IQCE: variants seen among roughly 807,000 people sequenced by gnomAD.
The protein encoded by IQCE is IQ domain-containing protein E.
In IQCE, 115 loss-of-function variants were observed where a neutral mutation model predicts 96.0. The observed-to-expected ratio is 1.20, with a 90% CI of 1.03 to 1.40. The LOEUF (loss-of-function observed/expected upper bound fraction) is 1.40, where lower values mean the gene tolerates loss of function less well. Among genes scored for constraint, IQCE ranks in the 40% most tolerant of loss-of-function variants. The pLI is 0.00. For missense variants in IQCE, 1,041 were observed against 909.1 expected (o/e 1.15, Z -1.87); for synonymous variants, 412 against 371.2 (o/e 1.11, Z -1.26).
Position 2,582,651 on chromosome 7 carries a change from G to A in IQCE, c.701+1G>A, listed in dbSNP as rs1000274801. ...GCAAGGAGAAGGACGGCACCATCAG[G>A]TGGGCGCAGGGCTGCACCCTCTCCC... On this transcript the variant is annotated splice_donor_variant, in intron 9 of 21. Transcript: ENST00000402050. LOFTEE classifies it high-confidence loss of function. 3.1e-6 allele frequency: 5 copies of A among 1,613,454 alleles called. No homozygotes were observed. The South Asian group carries it at 4.4e-5, about 14-fold the overall frequency.
At position 2,600,201 on chromosome 7, in the gene IQCE, C is replaced by A. The variant is rs570897031; in HGVS notation, c.1609-1240C>A. Among the ~76,000 whole-genome samples the A allele has an allele frequency of 2.6e-5, 4 of 152,204 alleles. 1 individual carries two copies. The South Asian group carries it at 8.3e-4, about 32-fold the overall frequency. ...TTCCTTGTGGGGTCATAAACTTATT[C>A]CTCTGTCCCCTTAATTTCCCATAAA... is the stretch of plus-strand genomic sequence containing the variant. On this transcript the variant is annotated intron_variant, in intron 17 of 21. Transcript: ENST00000402050.
At position 2,605,599 on chromosome 7, in the gene IQCE, A is replaced by G. The variant is rs1784750310; in HGVS notation, c.1744-277A>G. ...CACGCCACTGCACTCCAGCCTGGGC[A>G]ACAGAGCGAGACTCCATCTCAAAAA... On this transcript the variant is annotated intron_variant, in intron 19 of 21. Coordinates refer to ENST00000402050, the MANE Select transcript of IQCE (RefSeq NM_152558.5). Among the ~76,000 whole-genome samples, 3 of 152,142 alleles carry G rather than the reference A, an allele frequency of 2.0e-5. No individual in the cohort carries two copies. In the South Asian group the frequency reaches 6.2e-4, roughly 32 times the overall value.
rs554810776 is a variant in IQCE at position 2,568,709 on chromosome 7, G to A, written c.85-245G>A. 6.6e-5 allele frequency among the ~76,000 whole-genome samples: 10 copies of A among 152,282 alleles called. No homozygotes were observed. In the East Asian group the frequency reaches 7.7e-4, roughly 12 times the overall value. ...GTCTGAACGTCAGGAGCCCGGGCCC[G>A]ATGGTTTTCTGTAATTGGAACTTGT... On this transcript the variant is annotated intron_variant, in intron 2 of 21. Coordinates refer to ENST00000402050, the MANE Select transcript of IQCE (RefSeq NM_152558.5).
chr7:2,589,874 C>A, intron 13 of IQCE, 33 bp from the exon 14 acceptor site: 1 of 1,592,272 alleles, frequency 6.3e-7, no homozygotes, highest in Non-Finnish European at 8.6e-7. Flanking sequence ...GAAATGAGAA[C>A]TAGTATCTAA....
chr7:2,564,686 T>C (rs78117036), intron 1 of IQCE, among the ~76,000 whole-genome samples: 1,606 of 152,354 alleles, frequency 0.011, 30 homozygotes, highest in African/African-American at 0.037. Context: ...TTTGAATGAT[T>C]TTCTCTTTTA....
intron 1 of IQCE, chr7:2,559,611 G>A (rs1406567989): frequency 6.3e-6 from 1 of 158,074 alleles, no homozygotes; most frequent in African/African-American, 2.4e-5. Context: ...GCAGCCCCAG[G>A]GTCTGGGAAC....
At chr7:2,562,301 T>TATATATATAA (rs1554301266) in intron 1 of IQCE, among the ~76,000 whole-genome samples, 3 of 151,602 alleles carry the variant, frequency 2.0e-5, no homozygotes, top group Admixed American at 6.6e-5. Context: ...TATATATATA[T>TATATATATAA]AAAATCCTTT....
At chr7:2,573,640 C>A in intron 6 of IQCE, 152 bp downstream of exon 6, 1 of 537,964 alleles carries the variant, frequency 1.9e-6, no homozygotes. Context: ...GCGTAGTGCC[C>A]TAGGAGCTGG....
intron 18 of IQCE, among the ~76,000 whole-genome samples, chr7:2,604,606 G>A (rs1784657783): frequency 6.6e-6 from 1 of 152,174 alleles, no homozygotes; most frequent in Admixed American, 6.5e-5. Flanking sequence ...CGCTGAAAGG[G>A]ACTGCAGTGA....
At position 2,610,337 on chromosome 7, in the gene IQCE, C is replaced by T; in HGVS notation, c.*175C>T. ...GTGGAAGGAGACCCAAATGCCTTTA[C>T]TTTATTCTCTGGGGAGGGCCAGCGG... is the stretch of plus-strand genomic sequence containing the variant. On this transcript the variant is annotated 3_prime_UTR_variant, in exon 22 of 22. Transcript: ENST00000402050. 1 of 573,874 alleles carries T rather than the reference C, an allele frequency of 1.7e-6. No homozygotes were observed. The highest frequency in any genetic ancestry group is 2.9e-4 in the Middle Eastern group (1 of 3,466). 35.5% of individuals were successfully genotyped at this position (573,874 alleles called of 1,614,324 possible).
intron 13 of IQCE, among the ~76,000 whole-genome samples, chr7:2,588,498 T>C (rs1383999647): frequency 6.6e-6 from 1 of 151,150 alleles, no homozygotes; most frequent in African/African-American, 2.4e-5. Context: ...GGACTACAGG[T>C]GCCCACCACC....
At chr7:2,600,062 G>C (rs181707763) in intron 17 of IQCE, among the ~76,000 whole-genome samples, 1 of 152,164 alleles carries the variant, frequency 6.6e-6, no homozygotes, top group East Asian at 1.9e-4. Flanking sequence ...CCAAAGTGCT[G>C]GGATTATAGG....
rs751357739 is a variant in IQCE, at chr7:2,594,950, G to A, written c.1414G>A (p.Glu472Lys). 1 of 1,613,634 alleles carries A rather than the reference G, an allele frequency of 6.2e-7. No individual in the cohort carries two copies. The highest frequency in any genetic ancestry group is 8.5e-7 in the Non-Finnish European group (1 of 1,179,570). The change falls in exon 16 of 22, where the codon GAG (glutamate) becomes AAG (lysine). Residue 472 changes from glutamate (E) to lysine (K), a missense_variant. Coordinates refer to ENST00000402050, the MANE Select transcript of IQCE (RefSeq NM_152558.5). ...ELQEMKKEEK[E>K]DCPEVPHKAQ... ...GCAAGAAATGAAGAAAGAAGAGAAAGAGGATTGCCCGGAAGTTCCTCATAA... is the reference window on the plus strand; with the variant it reads ...GCAAGAAATGAAGAAAGAAGAGAAAAAGGATTGCCCGGAAGTTCCTCATAA...
At chr7:2,582,077 G>C (rs758426322) in intron 8 of IQCE, 1 of 469,360 alleles carries the variant, frequency 2.1e-6, no homozygotes, top group African/African-American at 2.0e-5. Flanking sequence ...CAGAAAAGGA[G>C]GTGAGGAGGC....
intron 21 of IQCE, among the ~76,000 whole-genome samples, chr7:2,607,974 A>G (rs1343494744): frequency 1.3e-5 from 2 of 152,162 alleles, no homozygotes; most frequent in Non-Finnish European, 2.9e-5. Context: ...TGTCAGGCGA[A>G]GGGCTTTGCT....
At chr7:2,563,877 G>A (rs1221107454) in intron 1 of IQCE, among the ~76,000 whole-genome samples, 1 of 129,370 alleles carries the variant, frequency 7.7e-6, no homozygotes, top group Non-Finnish European at 1.6e-5. Context: ...CTGGGTGAGA[G>A]AGCGAGACTC....
Position 2,590,003 on chromosome 7 carries a change from C to T in IQCE, c.1141C>T (p.Gln381Ter), listed in dbSNP as rs755314029. 1 of 1,613,938 alleles carries T rather than the reference C, an allele frequency of 6.2e-7. No homozygotes were observed. The highest frequency in any genetic ancestry group is 8.5e-7 in the Non-Finnish European group (1 of 1,180,020). Residue 381 changes from glutamine to a stop codon, truncating the protein, a stop_gained, in exon 14 of 22, where the codon CAG (glutamine) becomes TAG (stop). Coordinates refer to ENST00000402050, the MANE Select transcript of IQCE (RefSeq NM_152558.5). LOFTEE classifies it high-confidence loss of function. ...CLASSSALHRQPRGDRNKDHE... is the reference protein window; with the variant it reads ...CLASSSALHR Reference sequence around the variant, plus strand: ...TGCATCCAGCTCTGCGCTGCACAGACAGCCACGAGGGGACCGCAACAAGGA... The same window carrying T: ...TGCATCCAGCTCTGCGCTGCACAGATAGCCACGAGGGGACCGCAACAAGGA...
At chr7:2,570,662 A>G (rs1562625495) in intron 3 of IQCE, among the ~76,000 whole-genome samples, 1 of 152,186 alleles carries the variant, frequency 6.6e-6, no homozygotes, top group Non-Finnish European at 1.5e-5. Flanking sequence ...GATATATAAG[A>G]ATGTTTTAAG....
At position 2,597,084 on chromosome 7, in the gene IQCE, G is replaced by A. The variant is rs7797606; in HGVS notation, c.1441-1381G>A. The A allele has an allele frequency of 8.7e-5, 41 of 470,970 alleles. 2 individuals are homozygous for A. The highest frequency in any genetic ancestry group is 3.4e-4 in the Middle Eastern group (1 of 2,968). 29.2% of individuals were successfully genotyped at this position (470,970 alleles called of 1,614,324 possible). Reference sequence around the variant, plus strand: ...GCGTCGGCCAGGAGGCGGCAGGGTCGTGCGGAAGACCTGGGCCAGGGCCTT... The same window carrying A: ...GCGTCGGCCAGGAGGCGGCAGGGTCATGCGGAAGACCTGGGCCAGGGCCTT... On this transcript the variant is annotated intron_variant, in intron 16 of 21. Transcript: ENST00000402050.
Sources: allele counts gnomAD v4.1 joint callset (sites outside exome capture counted in the v4.1 genomes callset), GRCh38; gene constraint gnomAD v4.1.1; transcripts MANE v1.5; gene names NCBI Gene and HGNC (gene_info 2026-07-23, HGNC 2026-07-21).